ARHGEF2: variants seen among roughly 807,000 people sequenced by gnomAD.
ARHGEF2 encodes Rho/Rac guanine nucleotide exchange factor 2.
Under a neutral mutation model 121.0 loss-of-function variants are expected in ARHGEF2, and 22 were observed. The ratio of observed to expected loss-of-function variants is 0.18; its 90% CI spans 0.13 to 0.26. ARHGEF2 has a LOEUF of 0.26. Among genes scored for constraint, ARHGEF2 ranks in the 10% least tolerant of loss-of-function variants. The pLI is 1.00. For synonymous variants in ARHGEF2, 487 were observed against 530.0 expected (o/e 0.92, Z 1.11); for missense variants, 907 against 1,336.0 (o/e 0.68, Z 5.01).
intron 2 of ARHGEF2, chr1:155,968,209 T>C (rs1368966766): frequency 6.6e-6 from 1 of 151,332 alleles, no homozygotes; most frequent in African/African-American, 2.4e-5. Context: ...TTTCTTTTTT[T>C]TTTTTTTTTT....
In ARHGEF2 at chr1:155,962,419, C is replaced by T; in HGVS notation, c.1101+174G>A. On this transcript the variant is annotated intron_variant, in intron 9 of 21. Coordinates refer to ENST00000361247, the MANE Select transcript of ARHGEF2 (RefSeq NM_001162383.2). This position sits in a 1 kb window ranked among gnomAD's most constrained non-coding sequence, Gnocchi z 5.8. ...GAGCAAAAAGTACTTGGGAAACTAC[C>T]ACAACGTGCTCTAGCATTCTGAGGG... The T allele has an allele frequency of 9.1e-7, 1 of 1,104,168 alleles. No homozygotes were observed. The highest frequency in any genetic ancestry group is 1.3e-6 in the Non-Finnish European group (1 of 766,244). 68.4% of individuals were successfully genotyped at this position (1,104,168 alleles called of 1,614,324 possible).
chr1:155,978,467 C>G lies in ARHGEF2; in HGVS notation c.-40G>C. The stretch of plus-strand genomic sequence containing the variant: ...ACCAGGGAGGACGCGGCGCGGACCC[C>G]GGCGTCCTGTATTGTTGGGGGAAGG... On this transcript the variant is annotated 5_prime_UTR_variant, in exon 1 of 22. Transcript: ENST00000361247. The surrounding 1 kb of genome is among the most constrained non-coding windows in gnomAD (Gnocchi z 4.1). 3 of 1,435,354 alleles carry G rather than the reference C, an allele frequency of 2.1e-6. No homozygotes were observed. Among genetic ancestry groups the G allele is most frequent in the African/African-American group, 1.4e-5 (1 of 68,990 alleles). 88.9% of individuals were successfully genotyped at this position (1,435,354 alleles called of 1,614,324 possible).
In ARHGEF2 at chr1:155,961,848, G is replaced by A. The variant is rs1479496224; in HGVS notation, c.1281C>T (p.Ser427=). The A allele has an allele frequency of 5.0e-6, 8 of 1,614,048 alleles. No homozygotes were observed. The African/African-American group carries it at 6.7e-5, about 13-fold the overall frequency. Residue 427 remains serine (S), a synonymous_variant, in exon 11 of 22, where the codon TCC becomes TCT. Coordinates refer to ENST00000361247, the MANE Select transcript of ARHGEF2 (RefSeq NM_001162383.2). This position sits in a 1 kb window ranked among gnomAD's most constrained non-coding sequence, Gnocchi z 4.7. ...TALGLVKELL[S]NVDEGIYQLE... is the part of the protein sequence containing the mutation. ...GCTGATAAATACCCTCGTCCACATT[G>A]GACAGCAGCTCCTTCACTAGCCCCA...
rs969764560 is a variant in ARHGEF2, at chr1:155,950,594, C to G, written c.2704-112G>C. 8.5e-7 allele frequency: 1 copy of G among 1,181,550 alleles called. No homozygotes were observed. Among genetic ancestry groups the G allele is most frequent in the Non-Finnish European group, 1.2e-6 (1 of 827,002 alleles). 73.2% of individuals were successfully genotyped at this position (1,181,550 alleles called of 1,614,324 possible). A position where few individuals can be genotyped will look rare whatever the true frequency, so the allele number is the denominator to read the frequency against. On this transcript the variant is annotated intron_variant, in intron 20 of 21. Transcript: ENST00000361247. The surrounding 1 kb of genome is among the most constrained non-coding windows in gnomAD (Gnocchi z 5.2). ...TCCCCCCTGGGGCTCACCCATGAGT[C>G]CCCTTCAGGAGATCCACCACCAACT...
intron 1 of ARHGEF2, among the ~76,000 whole-genome samples, chr1:155,976,270 G>T (rs919944974): frequency 6.6e-6 from 1 of 151,942 alleles, no homozygotes; most frequent in Non-Finnish European, 1.5e-5. Context: ...GGGGGAGGGG[G>T]AGAGGGGATC....
chr1:155,962,797 T>C lies in ARHGEF2; in HGVS notation c.976-79A>G. On this transcript the variant is annotated intron_variant, in intron 8 of 21. Transcript: ENST00000361247. The surrounding 1 kb of genome is among the most constrained non-coding windows in gnomAD (Gnocchi z 5.8). ...CCCACTGGACACACCTCTGGCCTCC[T>C]GCCAAACAGGCTGGCTTCCTGTTTC... 1 of 1,599,954 alleles carries C rather than the reference T, an allele frequency of 6.3e-7. No homozygotes were observed. Among genetic ancestry groups the C allele is most frequent in the Non-Finnish European group, 8.5e-7 (1 of 1,171,468 alleles).
At chr1:155,955,135 CT>C (rs903703964) in intron 13 of ARHGEF2, among the ~76,000 whole-genome samples, 166 bp from the exon 14 acceptor site, 6 of 148,966 alleles carry the variant, frequency 4.0e-5, no homozygotes, top group Admixed American at 6.7e-5. Context: ...CCTTTTCTTT[CT>C]TTTTTTTTTG....
chr1:155,947,897 A>G lies in ARHGEF2; in HGVS notation c.*45T>C, dbSNP rs1282862368. 1 of 1,226,908 alleles carries G rather than the reference A, an allele frequency of 8.2e-7. No individual in the cohort carries two copies. The highest frequency in any genetic ancestry group is 1.3e-5 in the South Asian group (1 of 74,834). The allele number at this position is 1,226,908 out of a possible 1,614,324, so 76.0% of individuals were successfully genotyped here. On this transcript the variant is annotated 3_prime_UTR_variant, in exon 22 of 22. Transcript: ENST00000361247. Reference sequence around the variant, plus strand: ...TGGAGTCCCCAAGGTTAGCCCCCTCAGTAATGTTCTTCAGTGGGGCACGGG... The same window carrying G: ...TGGAGTCCCCAAGGTTAGCCCCCTCGGTAATGTTCTTCAGTGGGGCACGGG...
rs753957465 is a variant in ARHGEF2, at chr1:155,951,076, C to T, written c.2456G>A (p.Arg819Gln). ...RQHALLQEEL[R>Q]RCRRLGEERA... ...TTCTTCACCTAGCCGCCGGCAGCGC[C>T]GTAGCTCCTCCTGCAGCAGCGCATG... Residue 819 changes from arginine to glutamine, a missense_variant, in exon 20 of 22, where the codon CGG (arginine) becomes CAG (glutamine). This residue lies in a region of ARHGEF2 where 432 missense variants were observed against 559.5 expected (regional missense o/e 0.77). Coordinates refer to ENST00000361247, the MANE Select transcript of ARHGEF2 (RefSeq NM_001162383.2). This position sits in a 1 kb window ranked among gnomAD's most constrained non-coding sequence, Gnocchi z 5.1. 1.2e-6 allele frequency: 2 copies of T among 1,600,426 alleles called. No individual in the cohort carries two copies. Among genetic ancestry groups the T allele is most frequent in the Non-Finnish European group, 1.7e-6 (2 of 1,175,526 alleles).
At chr1:155,966,049 C>T (rs1026384082) in intron 4 of ARHGEF2, among the ~76,000 whole-genome samples, 1 of 152,148 alleles carries the variant, frequency 6.6e-6, no homozygotes, top group African/African-American at 2.4e-5. Flanking sequence ...TAGGCAGGGA[C>T]TGAGGCTCTG....
Position 155,947,109 on chromosome 1 carries a change from C to T in ARHGEF2, c.*833G>A, listed in dbSNP as rs12037399. On this transcript the variant is annotated 3_prime_UTR_variant, in exon 22 of 22. Coordinates refer to ENST00000361247, the MANE Select transcript of ARHGEF2 (RefSeq NM_001162383.2). ...GGGAAGAGGTCAGTATAGGTCCCCCCGTTACTGCAGATGAAGGCAGAAGTC... is the reference window on the plus strand; with the variant it reads ...GGGAAGAGGTCAGTATAGGTCCCCCTGTTACTGCAGATGAAGGCAGAAGTC... 60 of 345,464 alleles carry T rather than the reference C, an allele frequency of 1.7e-4. No homozygotes were observed. Among genetic ancestry groups the T allele is most frequent in the Non-Finnish European group, 3.1e-4 (55 of 175,348 alleles). 21.4% of individuals were successfully genotyped at this position (345,464 alleles called of 1,614,324 possible).
rs1212570069 is a variant in ARHGEF2, at chr1:155,947,330, A to G, written c.*612T>C. 1 of 456,516 alleles carries G rather than the reference A, an allele frequency of 2.2e-6. No individual in the cohort carries two copies. Among genetic ancestry groups the G allele is most frequent in the Admixed American group, 2.4e-5 (1 of 42,546 alleles). The allele number at this position is 456,516 out of a possible 1,614,324, so 28.3% of individuals were successfully genotyped here. ...CCCAACAAACCATTATGGCCACCCC[A>G]ACCTTTATTCCATCAACTCCAGGAA... is the stretch of plus-strand genomic sequence containing the variant. On this transcript the variant is annotated 3_prime_UTR_variant, in exon 22 of 22. Transcript: ENST00000361247.
intron 11 of ARHGEF2, among the ~76,000 whole-genome samples, chr1:155,960,698 C>A (rs1477945827): frequency 6.6e-6 from 1 of 152,188 alleles, no homozygotes; most frequent in South Asian, 2.1e-4. Flanking sequence ...CTGACAATAT[C>A]CAAACCCAGG....
At chr1:155,948,081 C>A in intron 21 of ARHGEF2, 66 bp from the exon 22 acceptor site, 1 of 1,330,102 alleles carries the variant, frequency 7.5e-7, no homozygotes, top group Non-Finnish European at 1.0e-6. Context: ...TACCCCTAGA[C>A]TAATGCCTCC....
At chr1:155,960,932 TCTC>T (rs1354872131) in intron 11 of ARHGEF2, among the ~76,000 whole-genome samples, 1 of 152,162 alleles carries the variant, frequency 6.6e-6, no homozygotes, top group African/African-American at 2.4e-5. Flanking sequence ...TGCTGTCTCT[TCTC>T]CTCCCTGCCT....
intron 2 of ARHGEF2, 115 bp from the exon 3 acceptor site, chr1:155,967,002 CT>C: frequency 2.1e-6 from 2 of 933,308 alleles, no homozygotes; most frequent in Non-Finnish European, 3.4e-6. Flanking sequence ...ACTCTCCCCC[CT>C]TCCCCGACTT....
chr1:155,967,326 T>C (rs1401358281), intron 2 of ARHGEF2, among the ~76,000 whole-genome samples: 1 of 152,174 alleles, frequency 6.6e-6, no homozygotes, highest in Non-Finnish European at 1.5e-5. Flanking sequence ...CCCTGAGCTT[T>C]TATAATAGTA....
chr1:155,966,446 C>A lies in ARHGEF2; in HGVS notation c.310G>T (p.Ala104Ser). 2 of 1,614,092 alleles carry A rather than the reference C, an allele frequency of 1.2e-6. No homozygotes were observed. Among genetic ancestry groups the A allele is most frequent in the South Asian group, 2.2e-5 (2 of 91,084 alleles). Residue 104 changes from alanine (A) to serine (S), a missense_variant, in exon 4 of 22, where the codon GCC (alanine) becomes TCC (serine). This residue lies in a region of ARHGEF2 where 475 missense variants were observed against 776.5 expected (regional missense o/e 0.61). Coordinates refer to ENST00000361247, the MANE Select transcript of ARHGEF2 (RefSeq NM_001162383.2). The stretch of plus-strand genomic sequence containing the variant: ...CTTCGAAGAGAAACGGACTGCAAGG[C>A]GGTGTTGTTCTTCAGCAGGGCCGCT... ...QKAALLKNNT[A>S]LQSVSLRSKT...
Position 155,951,365 on chromosome 1 carries a change from G to A in ARHGEF2, c.2260-93C>T. On this transcript the variant is annotated intron_variant, in intron 19 of 21. Coordinates refer to ENST00000361247, the MANE Select transcript of ARHGEF2 (RefSeq NM_001162383.2). This position sits in a 1 kb window ranked among gnomAD's most constrained non-coding sequence, Gnocchi z 5.1. The stretch of plus-strand genomic sequence containing the variant: ...CTCCAAGGCCCAGATCATCGCTCCT[G>A]GAGAGCTTGGATTGGGAGGGTATTT... 6.4e-7 allele frequency: 1 copy of A among 1,574,786 alleles called. No homozygotes were observed. The highest frequency in any genetic ancestry group is 8.7e-7 in the Non-Finnish European group (1 of 1,150,962).
Sources: allele counts gnomAD v4.1 joint callset (sites outside exome capture counted in the v4.1 genomes callset), GRCh38; gene constraint gnomAD v4.1.1; regional missense constraint gnomAD v4.1.1; non-coding constraint Gnocchi (gnomAD v3.1); transcripts MANE v1.5; gene names NCBI Gene and HGNC (gene_info 2026-07-23, HGNC 2026-07-21).